Variants in NNT observed in about 807,000 individuals in gnomAD.
NNT encodes NAD(P) transhydrogenase, mitochondrial.
In NNT, 50 loss-of-function variants were observed where a neutral mutation model predicts 104.8. The ratio of observed to expected loss-of-function variants is 0.48; its 90% CI spans 0.38 to 0.60. NNT has a LOEUF of 0.60. NNT is among the 20% of genes least tolerant of loss of function. The probability of loss-of-function intolerance (pLI) is 0.00; values close to 1 mark genes in which losing one functional copy is unlikely to be tolerated. For missense variants in NNT, 1,131 were observed against 1,330.7 expected (o/e 0.85, Z 2.33); for synonymous variants, 461 against 490.4 (o/e 0.94, Z 0.79).
At chr5:43,671,699 T>C (rs368187643) in intron 17 of NNT, among the ~76,000 whole-genome samples, 3 of 152,116 alleles carry the variant, frequency 2.0e-5, no homozygotes, top group Admixed American at 6.5e-5. Flanking sequence ...CGACCTTTCT[T>C]TCTGGCTGCC....
chr5:43,669,298 CCAGAACTTCCAA>C (rs1201915708), intron 17 of NNT, among the ~76,000 whole-genome samples: 1 of 152,042 alleles, frequency 6.6e-6, no homozygotes, highest in East Asian at 1.9e-4. Flanking sequence ...ATTGCCCTGG[CCAGAACTTCCAA>C]CACTATGTTG....
At chr5:43,701,225 C>G (rs1742834313) in intron 20 of NNT, among the ~76,000 whole-genome samples, 1 of 152,064 alleles carries the variant, frequency 6.6e-6, no homozygotes, top group African/African-American at 2.4e-5. Flanking sequence ...CAACCCTTGC[C>G]CATATCCCTC....
intron 19 of NNT, among the ~76,000 whole-genome samples, chr5:43,681,246 C>T (rs1446052201): frequency 1.0e-4 from 12 of 118,460 alleles, no homozygotes; most frequent in Non-Finnish European, 1.9e-4. Flanking sequence ...GGTGACAGAG[C>T]GAGGCTCCTT....
chr5:43,666,626 G>A lies in NNT; in HGVS notation c.2634+7276G>A, dbSNP rs1580074395. The A allele has an allele frequency of 1.3e-5, 7 of 533,494 alleles. No homozygotes were observed. In the East Asian group the frequency reaches 2.0e-4, roughly 15 times the overall value. 33.0% of individuals were successfully genotyped at this position (533,494 alleles called of 1,614,324 possible). A position where few individuals can be genotyped will look rare whatever the true frequency, so the allele number is the denominator to read the frequency against. ...GGAGGGAGAGAAGGAGAGGGAGAGGGAGATCTATTTTTTTTTTTCCTGCCT... is the reference window on the plus strand; with the variant it reads ...GGAGGGAGAGAAGGAGAGGGAGAGGAAGATCTATTTTTTTTTTTCCTGCCT... On this transcript the variant is annotated intron_variant, in intron 17 of 21. Transcript: ENST00000344920.
intron 16 of NNT, among the ~76,000 whole-genome samples, chr5:43,658,517 G>A (rs1457866748): frequency 6.6e-6 from 1 of 152,134 alleles, no homozygotes; most frequent in African/African-American, 2.4e-5. Context: ...CAGCTAACTT[G>A]GCTAAACTCA....
Position 43,619,047 on chromosome 5 carries a change from C to T in NNT, c.615C>T (p.Val205=). The T allele has an allele frequency of 6.5e-7, 1 of 1,547,154 alleles. No homozygotes were observed. The highest frequency in any genetic ancestry group is 8.7e-7 in the Non-Finnish European group (1 of 1,144,088). The change falls in exon 5 of 22, where the codon GTC becomes GTT. Residue 205 remains valine (V), a synonymous_variant. Transcript: ENST00000344920. ...ATTTTTAAAGTTATAAGGCTGTTGT[C>T]CTAGCAGCAAATCATTTTGGACGTT... is the stretch of plus-strand genomic sequence containing the variant. The part of the protein sequence containing the change: ...MANIAGYKAV[V]LAANHFGRFF...
Position 43,616,004 on chromosome 5 carries a change from G to A in NNT, c.538G>A (p.Val180Ile). 6.2e-7 allele frequency: 1 copy of A among 1,614,084 alleles called. No homozygotes were observed. The highest frequency in any genetic ancestry group is 8.5e-7 in the Non-Finnish European group (1 of 1,180,000). The change falls in exon 4 of 22, where the codon GTT becomes ATT. Residue 180 changes from valine to isoleucine, a missense_variant. Val to Ile is a conservative substitution (Grantham distance 29). Transcript: ENST00000344920. ...RKTTVLAMDQ[V>I]PRVTIAQGYD... ...AACTACAGTTCTGGCAATGGACCAG[G>A]TTCCAAGAGTCACAATTGCTCAGGG...
At chr5:43,680,684 C>T (rs773629646) in intron 19 of NNT, among the ~76,000 whole-genome samples, 5 of 152,132 alleles carry the variant, frequency 3.3e-5, no homozygotes, top group South Asian at 2.1e-4. Context: ...AATATGCTCA[C>T]GAGCTAAGAT....
chr5:43,605,193 A>G (rs1749139998), intron 1 of NNT, among the ~76,000 whole-genome samples: 1 of 152,206 alleles, frequency 6.6e-6, no homozygotes, highest in African/African-American at 2.4e-5. Flanking sequence ...AAGTTACATT[A>G]AACATACATA....
intron 5 of NNT, among the ~76,000 whole-genome samples, chr5:43,623,264 A>G (rs982354064): frequency 4.6e-5 from 7 of 152,114 alleles, no homozygotes; most frequent in African/African-American, 1.4e-4. Context: ...TTTTTTTTCT[A>G]CAGGAACAAA....
At chr5:43,691,070 A>AGAGAGAGAGAGAGT (rs1245517310) in intron 19 of NNT, among the ~76,000 whole-genome samples, 6 of 137,504 alleles carry the variant, frequency 4.4e-5, no homozygotes, top group African/African-American at 1.6e-4. Flanking sequence ...TTTTTGAGAG[A>AGAGAGAGAGAGAGT]GTGTGTGTGT....
chr5:43,683,044 G>C (rs1741803893), intron 19 of NNT, among the ~76,000 whole-genome samples: 1 of 152,248 alleles, frequency 6.6e-6, no homozygotes, highest in South Asian at 2.1e-4. Context: ...AGTTATAGCT[G>C]CCACTATTTG....
chr5:43,629,601 A>G (rs1750570863), intron 7 of NNT, among the ~76,000 whole-genome samples: 1 of 152,158 alleles, frequency 6.6e-6, no homozygotes. Flanking sequence ...TAGCAGTGTA[A>G]AAGTGTTCCC....
At chr5:43,658,361 G>A (rs953801828) in intron 16 of NNT, among the ~76,000 whole-genome samples, 1 of 151,966 alleles carries the variant, frequency 6.6e-6, no homozygotes, top group Non-Finnish European at 1.5e-5. Flanking sequence ...GAAATAAAAA[G>A]CAAAAAGCTT....
At chr5:43,671,890 G>A (rs112871611) in intron 17 of NNT, among the ~76,000 whole-genome samples, 2 of 152,256 alleles carry the variant, frequency 1.3e-5, no homozygotes, top group African/African-American at 4.8e-5. Flanking sequence ...TTCCAACTTG[G>A]TTCCATTCTC....
intron 17 of NNT, among the ~76,000 whole-genome samples, chr5:43,669,839 T>C (rs1740948620): frequency 6.6e-6 from 1 of 152,226 alleles, no homozygotes; most frequent in Non-Finnish European, 1.5e-5. Context: ...TTGATTGGAA[T>C]AGTTTCAGAA....
chr5:43,625,152 C>T (rs1750294846), intron 6 of NNT, among the ~76,000 whole-genome samples: 1 of 152,118 alleles, frequency 6.6e-6, no homozygotes, highest in Non-Finnish European at 1.5e-5. Context: ...TTTCTCAAGA[C>T]CTCCAAGCCC....
chr5:43,659,206 C>T lies in NNT; in HGVS notation c.2490C>T (p.Asp830=). ...TGACAGCTGCTATTGGGGGTGCTGA[C>T]ATGCCCGTCGTTATCACTGTGCTGA... ...VTLTAAIGGA[D]MPVVITVLNS... is the part of the protein sequence containing the mutation. Residue 830 remains aspartate, a synonymous_variant, in exon 17 of 22, where the codon GAC becomes GAT. Transcript: ENST00000344920. The T allele has an allele frequency of 6.2e-7, 1 of 1,612,958 alleles. No individual in the cohort carries two copies. Among genetic ancestry groups the T allele is most frequent in the South Asian group, 1.1e-5 (1 of 90,890 alleles).
At chr5:43,685,423 A>T (rs1404845946) in intron 19 of NNT, among the ~76,000 whole-genome samples, 1 of 152,160 alleles carries the variant, frequency 6.6e-6, no homozygotes, top group Non-Finnish European at 1.5e-5. Flanking sequence ...GAGTATGGAC[A>T]TAAATTTTGC....
Sources: allele counts gnomAD v4.1 joint callset (sites outside exome capture counted in the v4.1 genomes callset), GRCh38; gene constraint gnomAD v4.1.1; transcripts MANE v1.5; gene names NCBI Gene and HGNC (gene_info 2026-07-23, HGNC 2026-07-21).